NUF2: variants seen among roughly 807,000 people sequenced by gnomAD.
NUF2 encodes the protein NUF2 component of NDC80 kinetochore complex.
A neutral mutation model predicts 61.8 loss-of-function variants in NUF2; 34 were observed. That is an observed-to-expected ratio of 0.55 (90% confidence interval 0.42 to 0.73). NUF2 has a LOEUF of 0.73. Among genes scored for constraint, NUF2 ranks in the 30% least tolerant of loss-of-function variants. The pLI is 0.00. For missense variants in NUF2, 445 were observed against 539.1 expected (o/e 0.83, Z 1.73); for synonymous variants, 172 against 181.6 (o/e 0.95, Z 0.42).
At chr1:163,353,198 T>A (rs1651380127) in intron 13 of NUF2, among the ~76,000 whole-genome samples, 1 of 152,226 alleles carries the variant, frequency 6.6e-6, no homozygotes, top group Non-Finnish European at 1.5e-5. Context: ...ATAATTGGTG[T>A]CTTTCATTGT....
chr1:163,339,158 T>G, intron 7 of NUF2: 1 of 490,350 alleles, frequency 2.0e-6, no homozygotes. Context: ...TGTGGATGGA[T>G]CCATAGATTT....
At chr1:163,345,226 G>A (rs1349423606) in intron 10 of NUF2, among the ~76,000 whole-genome samples, 1 of 152,122 alleles carries the variant, frequency 6.6e-6, no homozygotes, top group African/African-American at 2.4e-5. Flanking sequence ...TACCATGGTT[G>A]TAGTAAATAT....
intron 5 of NUF2, among the ~76,000 whole-genome samples, chr1:163,330,648 A>G (rs892576628): frequency 5.3e-5 from 8 of 152,002 alleles, no homozygotes; most frequent in African/African-American, 1.9e-4. Flanking sequence ...TGTATTGTTC[A>G]TTTGGGGGAT....
At chr1:163,332,520 G>A (rs1251119231) in intron 5 of NUF2, among the ~76,000 whole-genome samples, 1 of 152,080 alleles carries the variant, frequency 6.6e-6, no homozygotes, top group Non-Finnish European at 1.5e-5. Flanking sequence ...GTTTCACTGA[G>A]CCAAAACCAA....
chr1:163,339,574 T>G, intron 8 of NUF2, 97 bp downstream of exon 8: 2 of 683,770 alleles, frequency 2.9e-6, no homozygotes, highest in Non-Finnish European at 5.1e-6. Context: ...GCTTTCTCTA[T>G]TACCAAAGAA....
chr1:163,351,710 A>G (rs1651327317), intron 13 of NUF2, among the ~76,000 whole-genome samples: 1 of 152,228 alleles, frequency 6.6e-6, no homozygotes, highest in Admixed American at 6.5e-5. Flanking sequence ...TGTTACACAA[A>G]TGGGAAGGTC....
intron 3 of NUF2, chr1:163,327,914 A>G (rs1295671718): frequency 2.8e-6 from 1 of 359,292 alleles, no homozygotes; most frequent in Non-Finnish European, 5.0e-6. Context: ...CTCCCAAATT[A>G]GAGTAGAAGA....
intron 13 of NUF2, among the ~76,000 whole-genome samples, chr1:163,352,104 G>C (rs531633405): frequency 3.8e-4 from 57 of 151,422 alleles, no homozygotes; most frequent in African/African-American, 1.4e-3. Flanking sequence ...TTTCTCAATT[G>C]CATCATCATT....
chr1:163,326,256 G>A (rs1165859287), intron 2 of NUF2, 82 bp downstream of exon 2: 2 of 1,289,402 alleles, frequency 1.6e-6, no homozygotes, highest in Non-Finnish European at 2.1e-6. Flanking sequence ...GGCAAGAAAG[G>A]GATATGGCCT....
intron 10 of NUF2, among the ~76,000 whole-genome samples, chr1:163,344,167 T>C (rs1159024847): frequency 1.3e-5 from 2 of 152,064 alleles, no homozygotes; most frequent in Non-Finnish European, 2.9e-5. Context: ...GAGGAAAGTA[T>C]TAAGTAATTT....
rs182182542 is a variant in NUF2 at position 163,347,163 on chromosome 1, A to G, written c.949-600A>G. Among the ~76,000 whole-genome samples, 85 of 152,336 alleles carry G rather than the reference A, an allele frequency of 5.6e-4. No individual in the cohort carries two copies. The East Asian group carries it at 0.014, about 25-fold the overall frequency. ...TATAGAGAGATTTAAAGTTTATTACATAGTCTGCCCTGAAGAAATGAGAGC... is the reference window on the plus strand; with the variant it reads ...TATAGAGAGATTTAAAGTTTATTACGTAGTCTGCCCTGAAGAAATGAGAGC... On this transcript the variant is annotated intron_variant, in intron 11 of 13. Coordinates refer to ENST00000271452, the MANE Select transcript of NUF2 (RefSeq NM_145697.3).
At chr1:163,355,146 A>G (rs937447629) in intron 13 of NUF2, among the ~76,000 whole-genome samples, 189 bp from the exon 14 acceptor site, 6 of 149,562 alleles carry the variant, frequency 4.0e-5, no homozygotes, top group African/African-American at 1.5e-4. Flanking sequence ...AAACTTTTTG[A>G]TGTGTTTGTA....
At position 163,343,847 on chromosome 1, in the gene NUF2, G is replaced by A; in HGVS notation, c.784G>A (p.Val262Ile). Residue 262 changes from valine (V) to isoleucine (I), a missense_variant, in exon 10 of 14, where the codon GTC (valine) becomes ATC (isoleucine). Transcript: ENST00000271452. ...KNYKEKMKDT[V>I]QKLKNARQEV... Reference sequence around the variant, plus strand: ...TTATAAAGAAAAAATGAAAGATACGGTCCAGAAGCTTAAAAATGCCAGAGT... The same window carrying A: ...TTATAAAGAAAAAATGAAAGATACGATCCAGAAGCTTAAAAATGCCAGAGT... 1 of 1,424,632 alleles carries A rather than the reference G, an allele frequency of 7.0e-7. No homozygotes were observed. Among genetic ancestry groups the A allele is most frequent in the South Asian group, 1.7e-5 (1 of 59,096 alleles). 88.2% of individuals were successfully genotyped at this position (1,424,632 alleles called of 1,614,324 possible).
At chr1:163,354,700 A>C (rs1212029677) in intron 13 of NUF2, among the ~76,000 whole-genome samples, 1 of 152,240 alleles carries the variant, frequency 6.6e-6, no homozygotes, top group East Asian at 1.9e-4. Context: ...TTATAGTTTA[A>C]GAATTGTTTT....
chr1:163,346,037 C>G (rs1049510018), intron 11 of NUF2: 5 of 367,220 alleles, frequency 1.4e-5, no homozygotes, highest in African/African-American at 1.0e-4. Flanking sequence ...TTAATAATAA[C>G]TAACCCATCA....
rs775499509 is a variant in NUF2, at chr1:163,343,809, A to G, written c.746A>G (p.Glu249Gly). The G allele has an allele frequency of 8.3e-6, 12 of 1,444,016 alleles. No individual in the cohort carries two copies. The highest frequency in any genetic ancestry group is 1.1e-5 in the Non-Finnish European group (12 of 1,087,460). The allele number at this position is 1,444,016 out of a possible 1,614,324, so 89.5% of individuals were successfully genotyped here. A position where few individuals can be genotyped will look rare whatever the true frequency, so the allele number is the denominator to read the frequency against. ...AAAACAAAAATTGTGGATTCTCCAG[A>G]GAAGTTAAAGAATTATAAAGAAAAA... ...SLKTKIVDSP[E>G]KLKNYKEKMK... is the part of the protein sequence containing the mutation. The change falls in exon 10 of 14, where the codon GAG (glutamate) becomes GGG (glycine). Residue 249 changes from glutamate to glycine, a missense_variant. Glu to Gly is a moderately conservative substitution (Grantham distance 98). Coordinates refer to ENST00000271452, the MANE Select transcript of NUF2 (RefSeq NM_145697.3).
At chr1:163,345,356 A>T (rs1651088361) in intron 10 of NUF2, among the ~76,000 whole-genome samples, 1 of 152,204 alleles carries the variant, frequency 6.6e-6, no homozygotes, top group South Asian at 2.1e-4. Context: ...ATTGCCCAGG[A>T]GTAATCAGAA....
chr1:163,326,283 C>G (rs893585552), intron 2 of NUF2, 109 bp downstream of exon 2: 2 of 921,490 alleles, frequency 2.2e-6, no homozygotes, highest in African/African-American at 1.7e-5. Flanking sequence ...TGATGGAGAC[C>G]AGTCATTTTC....
intron 6 of NUF2, 81 bp from the exon 7 acceptor site, chr1:163,337,939 A>G: frequency 9.7e-7 from 1 of 1,035,750 alleles, no homozygotes; most frequent in Non-Finnish European, 1.5e-6. Context: ...GATGGTTCAA[A>G]CTATAGTATG....
Sources: gnomAD v4.1 joint callset for allele counts (sites outside exome capture counted in the v4.1 genomes callset) on GRCh38, gnomAD v4.1.1 for gene constraint, MANE v1.5 for transcripts, NCBI Gene and HGNC (gene_info 2026-07-23, HGNC 2026-07-21) for gene names.